NDC1: variants seen among roughly 807,000 people sequenced by gnomAD.
NDC1 encodes NDC1 transmembrane nucleoporin.
In NDC1, 24 loss-of-function variants were observed where a neutral mutation model predicts 89.8. That is an observed-to-expected ratio of 0.27 (90% CI 0.19 to 0.38). The LOEUF is 0.38. NDC1 is among the 10% of genes least tolerant of loss of function. NDC1 has a pLI of 1.00. For synonymous variants in NDC1, 296 were observed against 284.8 expected, an observed-to-expected ratio of 1.04 and a Z score of -0.39; for missense variants, 728 against 797.6, an observed-to-expected ratio of 0.91 and a Z score of 1.05.
intron 16 of NDC1, among the ~76,000 whole-genome samples, chr1:53,783,842 C>T (rs967745208): frequency 2.6e-5 from 4 of 152,300 alleles, no homozygotes; most frequent in Admixed American, 2.6e-4. Flanking sequence ...GGACCACGAG[C>T]CAAATTAAGT....
intron 9 of NDC1, among the ~76,000 whole-genome samples, chr1:53,805,803 G>A (rs371171932): frequency 1.3e-5 from 2 of 152,180 alleles, no homozygotes; most frequent in Admixed American, 1.3e-4. Context: ...GGCCGGGCGC[G>A]GTGGCTCACG....
In NDC1 at chr1:53,832,529, T is replaced by C; in HGVS notation, c.241A>G (p.Ile81Val). The change falls in exon 3 of 18, where the codon ATA becomes GTA. Residue 81 changes from isoleucine (I) to valine (V), a missense_variant. Coordinates refer to ENST00000371429, the MANE Select transcript of NDC1 (RefSeq NM_018087.5). ...ACATTGAAAATACTTATTATTATTA[T>C]TACCACTGACAGCAGCAGGAAGTAA... ...IFYFLLLSVVIIIISIFNVEF... is the reference protein window; with the variant it reads ...IFYFLLLSVVVIIISIFNVEF... 1 of 1,600,028 alleles carries C rather than the reference T, an allele frequency of 6.2e-7. No homozygotes were observed. Among genetic ancestry groups the C allele is most frequent in the Non-Finnish European group, 8.6e-7 (1 of 1,167,330 alleles).
chr1:53,824,201 T>C (rs1297453553), intron 5 of NDC1, among the ~76,000 whole-genome samples: 2 of 140,414 alleles, frequency 1.4e-5, no homozygotes, highest in African/African-American at 2.7e-5. Context: ...GCTACTGCGC[T>C]CCAGCCTGAG....
At chr1:53,815,962 A>C (rs1490309962) in intron 6 of NDC1, among the ~76,000 whole-genome samples, 2 of 152,218 alleles carry the variant, frequency 1.3e-5, no homozygotes, top group Non-Finnish European at 2.9e-5. Flanking sequence ...AACGCAAACA[A>C]ATGGAAACAC....
intron 6 of NDC1, among the ~76,000 whole-genome samples, chr1:53,816,515 A>C (rs1364158589): frequency 6.6e-6 from 1 of 152,232 alleles, no homozygotes; most frequent in Non-Finnish European, 1.5e-5. Flanking sequence ...AACATTGAAA[A>C]AAACCCTTCT....
chr1:53,820,451 G>A (rs1164076102), intron 5 of NDC1, among the ~76,000 whole-genome samples: 2 of 151,896 alleles, frequency 1.3e-5, no homozygotes, highest in Non-Finnish European at 2.9e-5. Context: ...ATGAGTTAAT[G>A]GGTGCAGCAC....
At position 53,819,090 on chromosome 1, in the gene NDC1, A is replaced by C. The variant is rs1157913556; in HGVS notation, c.595-11T>G. On this transcript the variant is annotated splice_polypyrimidine_tract_variant and intron_variant, in intron 5 of 17. Transcript: ENST00000371429. ...CAAGAACTTGTATTGCTGTGGGGAA[A>C]AAAAAAAGAATCAAATGACACATTC... 7.6e-7 allele frequency: 1 copy of C among 1,315,054 alleles called. No individual in the cohort carries two copies. The highest frequency in any genetic ancestry group is 1.1e-6 in the Non-Finnish European group (1 of 928,320). 81.5% of individuals were successfully genotyped at this position (1,315,054 alleles called of 1,614,324 possible).
intron 16 of NDC1, among the ~76,000 whole-genome samples, chr1:53,784,465 T>C (rs1647257781): frequency 6.6e-6 from 1 of 151,732 alleles, no homozygotes. Flanking sequence ...GAGACCAGCT[T>C]GGCCAACATG....
intron 4 of NDC1, among the ~76,000 whole-genome samples, chr1:53,827,343 C>T (rs1648904174): frequency 6.6e-6 from 1 of 151,522 alleles, no homozygotes; most frequent in Non-Finnish European, 1.5e-5. Context: ...CAGGCATAAT[C>T]ATAGGGCACT....
chr1:53,802,995 T>C (rs946947368), intron 10 of NDC1, among the ~76,000 whole-genome samples: 2 of 152,184 alleles, frequency 1.3e-5, no homozygotes, highest in Non-Finnish European at 2.9e-5. Context: ...CTCTGAGACT[T>C]AAATCTCCCA....
At chr1:53,794,245 A>G (rs886095331) in intron 13 of NDC1, among the ~76,000 whole-genome samples, 1 of 152,144 alleles carries the variant, frequency 6.6e-6, no homozygotes, top group African/African-American at 2.4e-5. Context: ...CAAAGTGCTG[A>G]GATTACAGGA....
In NDC1 at chr1:53,794,204, G is replaced by A. The variant is rs1037559466; in HGVS notation, c.1585-925C>T. Among the ~76,000 whole-genome samples, 10 of 152,026 alleles carry A rather than the reference G, an allele frequency of 6.6e-5. No homozygotes were observed. The East Asian group carries it at 7.7e-4, about 12-fold the overall frequency. ...TTGCCCATGCTGGTCTCGAATTCCC[G>A]GGCTCAAGCAATGTTCCCACTGTGG... is the stretch of plus-strand genomic sequence containing the variant. On this transcript the variant is annotated intron_variant, in intron 13 of 17. Transcript: ENST00000371429.
At chr1:53,782,467 G>A (rs1228903910) in intron 16 of NDC1, among the ~76,000 whole-genome samples, 2 of 152,134 alleles carry the variant, frequency 1.3e-5, no homozygotes, top group Admixed American at 1.3e-4. Context: ...TAGACTGCAA[G>A]GTCTAAACTG....
chr1:53,819,961 A>G (rs1001749140), intron 5 of NDC1, among the ~76,000 whole-genome samples: 3 of 152,146 alleles, frequency 2.0e-5, no homozygotes, highest in Middle Eastern at 3.4e-3. Context: ...AAAAGAAAAG[A>G]AAAGAAAAAG....
rs146681135 is a variant in NDC1, at chr1:53,808,011, T to C, written c.756-220A>G. Among the ~76,000 whole-genome samples the C allele has an allele frequency of 4.1e-3, 626 of 152,334 alleles. 6 individuals are homozygous for C. Among genetic ancestry groups the C allele is most frequent in the African/African-American group, 0.015 (605 of 41,576 alleles). ...ACAGACCTAAATCGGGGCTACAGTT[T>C]CCTGTGTTCAAAATCTTCACTGACT... On this transcript the variant is annotated intron_variant, in intron 7 of 17. Transcript: ENST00000371429.
chr1:53,781,039 A>T (rs1647202566), intron 16 of NDC1, among the ~76,000 whole-genome samples: 2 of 151,936 alleles, frequency 1.3e-5, no homozygotes, highest in South Asian at 4.1e-4. Flanking sequence ...AATTTTTTTT[A>T]TAGACACTGT....
chr1:53,797,011 G>T lies in NDC1; in HGVS notation c.1356C>A (p.Gly452=), dbSNP rs1557575000. Residue 452 remains glycine, a synonymous_variant, in exon 12 of 18, where the codon GGC becomes GGA. Transcript: ENST00000371429. ...DVVSPFGTPF[G]SSVMNRMAGI... ...CAGCCATCCGATTCATTACACTAGA[G>T]CCAAATGGGGTCCCAAATGGGCTCA... 1.2e-6 allele frequency: 2 copies of T among 1,614,164 alleles called. No individual in the cohort carries two copies. Among genetic ancestry groups the T allele is most frequent in the Non-Finnish European group, 1.7e-6 (2 of 1,180,022 alleles).
At chr1:53,805,784 A>C (rs1388999769) in intron 9 of NDC1, among the ~76,000 whole-genome samples, 1 of 152,222 alleles carries the variant, frequency 6.6e-6, no homozygotes, top group Non-Finnish European at 1.5e-5. Flanking sequence ...TTAAAAAATC[A>C]ATAATATTGG....
chr1:53,791,808 C>T (rs1320423498), intron 14 of NDC1, among the ~76,000 whole-genome samples: 1 of 152,200 alleles, frequency 6.6e-6, no homozygotes, highest in Non-Finnish European at 1.5e-5. Flanking sequence ...TCCTCTGAGC[C>T]TCAGGTTTCC....
Sources: allele counts gnomAD v4.1 joint callset (sites outside exome capture counted in the v4.1 genomes callset), GRCh38; gene constraint gnomAD v4.1.1; transcripts MANE v1.5; gene names NCBI Gene and HGNC (gene_info 2026-07-23, HGNC 2026-07-21).